CFAP61: variants seen among roughly 807,000 people sequenced by gnomAD.
CFAP61 encodes the protein cilia and flagella associated protein 61, also known as cilia- and flagella-associated protein 61.
A neutral mutation model predicts 135.6 loss-of-function variants in CFAP61; 107 were observed. That is an observed-to-expected ratio of 0.79 (90% confidence interval 0.67 to 0.93). The LOEUF is 0.93. CFAP61 is among the 40% of genes least tolerant of loss of function. The pLI is 0.00. For synonymous variants in CFAP61, 575 were observed against 578.5 expected, an observed-to-expected ratio of 0.99 and a Z score of 0.09; for missense variants, 1,507 against 1,556.2, an observed-to-expected ratio of 0.97 and a Z score of 0.53.
rs114004644 is a variant in CFAP61 at position 20,165,671 on chromosome 20, A to G, written c.1206-726A>G. The stretch of plus-strand genomic sequence containing the variant: ...AAGAGGAAATAATTGGCCCATTTTG[A>G]TGGAGTGGAAGGCTCTAGGGTGTCT... On this transcript the variant is annotated intron_variant, in intron 11 of 26. Coordinates refer to ENST00000245957, the MANE Select transcript of CFAP61 (RefSeq NM_015585.4). Among the ~76,000 whole-genome samples the G allele has an allele frequency of 2.9e-3, 443 of 152,102 alleles. 2 individuals are homozygous for G. The highest frequency in any genetic ancestry group is 9.7e-3 in the African/African-American group (403 of 41,494).
intron 13 of CFAP61, among the ~76,000 whole-genome samples, chr20:20,174,384 G>T (rs1194893579): frequency 6.6e-6 from 1 of 152,280 alleles, no homozygotes; most frequent in African/African-American, 2.4e-5. Flanking sequence ...GGTCCCATAG[G>T]GGAAGACATC....
intron 6 of CFAP61, among the ~76,000 whole-genome samples, chr20:20,081,249 T>A (rs907231868): frequency 2.0e-5 from 3 of 152,210 alleles, no homozygotes; most frequent in Non-Finnish European, 4.4e-5. Context: ...AGATATGAGT[T>A]ACTTACAACT....
intron 10 of CFAP61, among the ~76,000 whole-genome samples, chr20:20,162,287 C>T (rs756338758): frequency 4.6e-5 from 7 of 152,136 alleles, no homozygotes; most frequent in Admixed American, 1.3e-4. Context: ...ATGACATCTG[C>T]GAAATCCCTG....
At chr20:20,060,459 A>G (rs1398950063) in intron 2 of CFAP61, among the ~76,000 whole-genome samples, 1 of 152,242 alleles carries the variant, frequency 6.6e-6, no homozygotes, top group Non-Finnish European at 1.5e-5. Flanking sequence ...AAACAATAAT[A>G]TTGATAATGA....
At chr20:20,062,239 G>A (rs6081854) in intron 2 of CFAP61, among the ~76,000 whole-genome samples, 73,072 of 151,878 alleles carry the variant, frequency 0.48, 18,405 homozygotes, top group Non-Finnish European at 0.55. Flanking sequence ...GAAAAAAACC[G>A]TCTTGGAGGT....
chr20:20,283,194 T>C (rs2054330966), intron 22 of CFAP61, among the ~76,000 whole-genome samples: 5 of 152,218 alleles, frequency 3.3e-5, no homozygotes, highest in Admixed American at 3.3e-4. Flanking sequence ...TTAATTCTTT[T>C]GATTTTTGCT....
Position 20,191,062 on chromosome 20 carries a change from G to A in CFAP61, c.1513-280G>A, listed in dbSNP as rs547577020. 7.2e-5 allele frequency among the ~76,000 whole-genome samples: 11 copies of A among 152,136 alleles called. No homozygotes were observed. In the East Asian group the frequency reaches 9.7e-4, roughly 13 times the overall value. ...TGAACCCAGGAGGCTGCAGTGAGCCGAGATCATGCCATTGCACTCCAGCCT... is the reference window on the plus strand; with the variant it reads ...TGAACCCAGGAGGCTGCAGTGAGCCAAGATCATGCCATTGCACTCCAGCCT... On this transcript the variant is annotated intron_variant, in intron 14 of 26. Transcript: ENST00000245957.
chr20:20,290,152 G>A, intron 23 of CFAP61, 148 bp from the exon 24 acceptor site: 1 of 629,322 alleles, frequency 1.6e-6, no homozygotes. Flanking sequence ...ACCCCAGGGA[G>A]TTCCTTGTTG....
intron 25 of CFAP61, among the ~76,000 whole-genome samples, chr20:20,302,301 T>G (rs1257795638): frequency 6.6e-6 from 1 of 152,226 alleles, no homozygotes; most frequent in Non-Finnish European, 1.5e-5. Flanking sequence ...ACAGCTTTGT[T>G]TCTTCTTTTC....
intron 14 of CFAP61, among the ~76,000 whole-genome samples, chr20:20,190,024 A>C (rs1485949893): frequency 6.6e-6 from 1 of 152,192 alleles, no homozygotes; most frequent in Non-Finnish European, 1.5e-5. Flanking sequence ...GCCTCAGGTG[A>C]TCTGCCTGCC....
intron 26 of CFAP61, among the ~76,000 whole-genome samples, chr20:20,354,882 A>C (rs2058994542): frequency 7.7e-6 from 1 of 130,406 alleles, no homozygotes; most frequent in African/African-American, 2.9e-5. Flanking sequence ...GGAGGTGGTC[A>C]GACTGTGTCA....
intron 25 of CFAP61, among the ~76,000 whole-genome samples, chr20:20,307,489 C>G (rs2056546317): frequency 6.6e-6 from 1 of 152,224 alleles, no homozygotes; most frequent in Non-Finnish European, 1.5e-5. Flanking sequence ...CTGTTCGCTA[C>G]ACATCAATAT....
intron 8 of CFAP61, among the ~76,000 whole-genome samples, chr20:20,100,845 A>G (rs1455968107): frequency 1.3e-5 from 2 of 152,198 alleles, no homozygotes; most frequent in East Asian, 3.8e-4. Context: ...GCCCACAGAG[A>G]TATGGGCACT....
chr20:20,268,008 T>A (rs1276140892), intron 21 of CFAP61, among the ~76,000 whole-genome samples: 1 of 152,266 alleles, frequency 6.6e-6, no homozygotes, highest in Non-Finnish European at 1.5e-5. Flanking sequence ...GGAGCAGGGC[T>A]GTGCTTATGC....
At chr20:20,127,960 A>G (rs2146712451) in intron 8 of CFAP61, among the ~76,000 whole-genome samples, 1 of 151,640 alleles carries the variant, frequency 6.6e-6, no homozygotes, top group South Asian at 2.1e-4. Context: ...GCAGGTTGTC[A>G]GGGAAGTTGG....
intron 26 of CFAP61, among the ~76,000 whole-genome samples, chr20:20,358,991 G>T (rs983922837): frequency 6.6e-6 from 1 of 152,202 alleles, no homozygotes; most frequent in South Asian, 2.1e-4. Context: ...GTGCTTTCTA[G>T]AAGTACCCTG....
chr20:20,112,230 A>G (rs1362293894), intron 8 of CFAP61, among the ~76,000 whole-genome samples: 1 of 152,212 alleles, frequency 6.6e-6, no homozygotes, highest in Non-Finnish European at 1.5e-5. Flanking sequence ...TGACTATAAT[A>G]TTATGCTATT....
Position 20,169,426 on chromosome 20 carries a change from G to C in CFAP61, c.1351G>C (p.Asp451His). 1 of 1,613,738 alleles carries C rather than the reference G, an allele frequency of 6.2e-7. No individual in the cohort carries two copies. Among genetic ancestry groups the C allele is most frequent in the Non-Finnish European group, 8.5e-7 (1 of 1,179,876 alleles). Residue 451 changes from aspartate to histidine, a missense_variant, in exon 13 of 27, where the codon GAC becomes CAC. Coordinates refer to ENST00000245957, the MANE Select transcript of CFAP61 (RefSeq NM_015585.4). Reference sequence around the variant, plus strand: ...TTTCAACACCTGCACCCTCGAGCAGGACCTCTACGTCTTCCACCGGGCTGG... The same window carrying C: ...TTTCAACACCTGCACCCTCGAGCAGCACCTCTACGTCTTCCACCGGGCTGG... ...VPFNTCTLEQ[D>H]LYVFHRAGLL...
chr20:20,177,389 G>T (rs182149671), intron 13 of CFAP61, among the ~76,000 whole-genome samples: 4 of 152,238 alleles, frequency 2.6e-5, no homozygotes, highest in Admixed American at 2.6e-4. Context: ...TCTGGAGATA[G>T]GCAGGGCTTT....
Sources: allele counts gnomAD v4.1 joint callset (sites outside exome capture counted in the v4.1 genomes callset), GRCh38; gene constraint gnomAD v4.1.1; transcripts MANE v1.5; gene names NCBI Gene and HGNC (gene_info 2026-07-23, HGNC 2026-07-21).